Variants in PSMA1 observed in about 807,000 individuals in gnomAD.
PSMA1 encodes the protein proteasome subunit alpha type-1.
A neutral mutation model predicts 38.4 loss-of-function variants in PSMA1; 3 were observed. The observed-to-expected ratio is 0.08, with a 90% CI of 0.04 to 0.20. The LOEUF is 0.20. Among genes scored for constraint, PSMA1 ranks in the 10% least tolerant of loss-of-function variants. The probability of loss-of-function intolerance (pLI) is 1.00; values close to 1 mark genes in which losing one functional copy is unlikely to be tolerated. For missense variants in PSMA1, 227 were observed against 325.3 expected (o/e 0.70, Z 2.32); for synonymous variants, 101 against 107.1 (o/e 0.94, Z 0.35).
At chr11:14,519,633 A>T (rs61883612) in intron 1 of PSMA1, among the ~76,000 whole-genome samples, 5,866 of 152,284 alleles carry the variant, frequency 0.039, 148 homozygotes, top group Non-Finnish European at 0.052. Flanking sequence ...GGACACAAAT[A>T]GCTGCAGCGA....
At chr11:14,595,816 C>A (rs907446629) in intron 2 of PSMA1, among the ~76,000 whole-genome samples, 1 of 152,092 alleles carries the variant, frequency 6.6e-6, no homozygotes, top group African/African-American at 2.4e-5. Flanking sequence ...AAGTCCTTGC[C>A]CATGCCTATG....
chr11:14,505,245 C>T lies in PSMA1; in HGVS notation c.739G>A (p.Ala247Thr), dbSNP rs1163529349. ...TCTGCAGGTTCATCAGCAGGTTGAGCAGGCTTAACAGGGAAAGAAAAAAAG... is the reference window on the plus strand; with the variant it reads ...TCTGCAGGTTCATCAGCAGGTTGAGTAGGCTTAACAGGGAAAGAAAAAAAG... ...EERPQRKAQP[A>T]QPADEPAEKA... Residue 247 changes from alanine to threonine, a missense_variant, in exon 10 of 10, where the codon GCT becomes ACT. Physicochemically the swap from Ala to Thr is moderately conservative, Grantham distance 58 (BLOSUM62 0). Coordinates refer to ENST00000396394, the MANE Select transcript of PSMA1 (RefSeq NM_002786.4). 2.5e-6 allele frequency: 4 copies of T among 1,613,390 alleles called. No individual in the cohort carries two copies. Among genetic ancestry groups the T allele is most frequent in the East Asian group, 4.5e-5 (2 of 44,836 alleles).
intron 1 of PSMA1, among the ~76,000 whole-genome samples, chr11:14,631,987 A>G (rs1436590244): frequency 7.1e-6 from 1 of 140,166 alleles, no homozygotes; most frequent in Non-Finnish European, 1.5e-5. Context: ...TAGGATTGCA[A>G]CCCCTGCCTT....
At chr11:14,529,194 A>G (rs1046909990) in intron 2 of PSMA1, among the ~76,000 whole-genome samples, 1 of 152,174 alleles carries the variant, frequency 6.6e-6, no homozygotes, top group Non-Finnish European at 1.5e-5. Context: ...AAATAAAAGT[A>G]AATTCTAAAT....
At chr11:14,527,181 T>G (rs1218608429) in intron 2 of PSMA1, among the ~76,000 whole-genome samples, 1 of 152,090 alleles carries the variant, frequency 6.6e-6, no homozygotes, top group Non-Finnish European at 1.5e-5. Context: ...AGGCATCAGA[T>G]TCCATCACTC....
In PSMA1 at chr11:14,517,650, T is replaced by G; in HGVS notation, c.246A>C (p.Arg82Ser). Reference protein sequence around the residue: ...ISIAGLTADARLLCNFMRQEC... With the variant: ...ISIAGLTADASLLCNFMRQEC... ...TTCATGATTATACTTACCATAACAG[T>G]CTAGCATCAGCAGTAAGCCCCGCAA... Residue 82 changes from arginine to serine, a missense_variant, in exon 4 of 10, where the codon AGA becomes AGC. By Grantham distance (110) the Arg-to-Ser change is moderately radical. Transcript: ENST00000396394. 6.3e-7 allele frequency: 1 copy of G among 1,582,184 alleles called. No individual in the cohort carries two copies. The highest frequency in any genetic ancestry group is 8.6e-7 in the Non-Finnish European group (1 of 1,167,582).
In PSMA1 at chr11:14,614,958, G is replaced by A. The variant is rs557066398; in HGVS notation, c.-165-3807C>T. Among the ~76,000 whole-genome samples the A allele has an allele frequency of 2.0e-4, 31 of 152,210 alleles. No individual in the cohort carries two copies. In the South Asian group the frequency reaches 6.2e-3, roughly 31 times the overall value. The stretch of plus-strand genomic sequence containing the variant: ...GCGGATCCTCATTAACTACAGGATC[G>A]AGTCCAGTCATTTTAGCATGGCACT... On this transcript the variant is annotated intron_variant, in intron 1 of 10. Transcript: ENST00000418988.
chr11:14,630,967 T>C (rs904231540), intron 1 of PSMA1, among the ~76,000 whole-genome samples: 14 of 152,252 alleles, frequency 9.2e-5, no homozygotes, highest in Non-Finnish European at 1.9e-4. Flanking sequence ...GTGTTTGTAG[T>C]ATTCCCTGAA....
chr11:14,606,766 A>G (rs1032274441), intron 2 of PSMA1, among the ~76,000 whole-genome samples: 1 of 152,218 alleles, frequency 6.6e-6, no homozygotes, highest in African/African-American at 2.4e-5. Flanking sequence ...TCTGCTAGGT[A>G]AAAAGGGAAT....
chr11:14,623,538 GAGA>G (rs1022230798), intron 1 of PSMA1, among the ~76,000 whole-genome samples: 8 of 152,180 alleles, frequency 5.3e-5, no homozygotes, highest in African/African-American at 1.7e-4. Context: ...AAAGATTTTA[GAGA>G]AGGAGTTCTG....
chr11:14,515,993 C>T (rs1044423414), intron 4 of PSMA1, among the ~76,000 whole-genome samples: 3 of 151,354 alleles, frequency 2.0e-5, no homozygotes, highest in African/African-American at 2.4e-5. Flanking sequence ...AGGTGGATCA[C>T]GAGGTCAGGA....
At chr11:14,626,231 A>G (rs1350834111) in intron 1 of PSMA1, among the ~76,000 whole-genome samples, 1 of 151,742 alleles carries the variant, frequency 6.6e-6, no homozygotes, top group East Asian at 1.9e-4. Flanking sequence ...TTGGCATTTG[A>G]GCAAAACACT....
intron 1 of PSMA1, chr11:14,519,832 T>C (rs1257350654): frequency 6.1e-6 from 1 of 163,992 alleles, no homozygotes. Flanking sequence ...AAGGGCCTCT[T>C]CTAATCGAAG....
intron 8 of PSMA1, among the ~76,000 whole-genome samples, chr11:14,508,418 T>C (rs931119010): frequency 2.0e-5 from 3 of 152,008 alleles, no homozygotes; most frequent in Non-Finnish European, 4.4e-5. Context: ...GTTCTAACAA[T>C]TTTCTCATTA....
chr11:14,572,917 G>A (rs1343177779), intron 2 of PSMA1, among the ~76,000 whole-genome samples: 1 of 152,182 alleles, frequency 6.6e-6, no homozygotes, highest in Non-Finnish European at 1.5e-5. Flanking sequence ...AAATCTAGAA[G>A]AAATGGATAA....
chr11:14,629,696 T>C (rs1203205604), intron 1 of PSMA1, among the ~76,000 whole-genome samples: 1 of 152,206 alleles, frequency 6.6e-6, no homozygotes, highest in Non-Finnish European at 1.5e-5. Flanking sequence ...TTTTTCCAAT[T>C]CTGGGAAGAA....
At chr11:14,544,768 C>T (rs912186416) in intron 2 of PSMA1, among the ~76,000 whole-genome samples, 1 of 152,162 alleles carries the variant, frequency 6.6e-6, no homozygotes, top group Non-Finnish European at 1.5e-5. Flanking sequence ...AAAACAGTCA[C>T]GCAGTTCTTC....
chr11:14,513,419 G>A, intron 7 of PSMA1, 151 bp downstream of exon 7: 1 of 868,888 alleles, frequency 1.2e-6, no homozygotes. Context: ...ATATGTGACA[G>A]AAACAATAAA....
At chr11:14,583,470 C>T (rs575547478) in intron 2 of PSMA1, among the ~76,000 whole-genome samples, 1 of 152,360 alleles carries the variant, frequency 6.6e-6, no homozygotes, top group East Asian at 1.9e-4. Flanking sequence ...AACACACTGC[C>T]TCCCATCTGG....
Sources: allele counts gnomAD v4.1 joint callset (sites outside exome capture counted in the v4.1 genomes callset), GRCh38; gene constraint gnomAD v4.1.1; transcripts MANE v1.5; gene names NCBI Gene and HGNC (gene_info 2026-07-23, HGNC 2026-07-21).